Variants in WDPCP observed in about 807,000 individuals in gnomAD.
WDPCP encodes the protein WD repeat containing planar cell polarity effector.
Under a neutral mutation model 93.1 loss-of-function variants are expected in WDPCP, and 71 were observed. The observed-to-expected ratio is 0.76, with a 90% CI of 0.63 to 0.93. The LOEUF (loss-of-function observed/expected upper bound fraction) is 0.93. WDPCP is among the 40% of genes least tolerant of loss of function. The pLI, the probability that WDPCP is intolerant of heterozygous loss-of-function variation, is 0.00. For missense variants in WDPCP, 844 were observed against 887.4 expected, an observed-to-expected ratio of 0.95 and a Z score of 0.62; for synonymous variants, 315 against 315.0, an observed-to-expected ratio of 1.00 and a Z score of 0.00.
At chr2:63,679,030 C>T (rs1009545835) in intron 2 of WDPCP, among the ~76,000 whole-genome samples, 3 of 152,188 alleles carry the variant, frequency 2.0e-5, no homozygotes, top group Non-Finnish European at 2.9e-5. Flanking sequence ...GGAGCTTGCT[C>T]CTACCTAAAA....
rs146537144 is a variant in WDPCP at position 63,791,033 on chromosome 2, G to A, written n.308+22589C>T. On this transcript the variant is annotated intron_variant and non_coding_transcript_variant, in intron 2 of 4. Transcript: ENST00000467687. ...GCTTTCTCTTTCTAATACTGATTTA[G>A]CAACTGTTTGACATGAATTCCTCAC... is the stretch of plus-strand genomic sequence containing the variant. 4.8e-3 allele frequency among the ~76,000 whole-genome samples: 734 copies of A among 152,212 alleles called. 5 individuals carry two copies. Among genetic ancestry groups the A allele is most frequent in the Non-Finnish European group, 3.8e-3 (259 of 68,002 alleles).
chr2:63,125,084 T>G (rs867501397), intron 17 of WDPCP, among the ~76,000 whole-genome samples: 5 of 152,238 alleles, frequency 3.3e-5, no homozygotes, highest in Admixed American at 1.3e-4. Flanking sequence ...GAAATTGAAC[T>G]CTGCTTCTTG....
intron 2 of WDPCP, among the ~76,000 whole-genome samples, chr2:63,736,830 AT>A (rs779652627): frequency 5.1e-4 from 78 of 152,276 alleles, no homozygotes; most frequent in Middle Eastern, 6.8e-3. Flanking sequence ...GCTGCTTTTT[AT>A]TTTTAAAAAA....
At chr2:63,186,135 A>C (rs1338095377) in intron 14 of WDPCP, among the ~76,000 whole-genome samples, 1 of 152,192 alleles carries the variant, frequency 6.6e-6, no homozygotes, top group Non-Finnish European at 1.5e-5. Context: ...ATGGAGTTGA[A>C]TCCCACCCTG....
chr2:63,757,097 T>C (rs905487445), intron 2 of WDPCP, among the ~76,000 whole-genome samples: 2 of 152,222 alleles, frequency 1.3e-5, no homozygotes, highest in South Asian at 2.1e-4. Flanking sequence ...AAATTTGCTC[T>C]GTCCTGAAAG....
At chr2:63,389,030 G>C (rs1338333614) in intron 10 of WDPCP, among the ~76,000 whole-genome samples, 1 of 152,054 alleles carries the variant, frequency 6.6e-6, no homozygotes, top group Non-Finnish European at 1.5e-5. Flanking sequence ...CAACATTCAA[G>C]TTCAAGAAAT....
At chr2:63,643,302 T>C in intron 3 of WDPCP, 1 of 369,214 alleles carries the variant, frequency 2.7e-6, no homozygotes, top group Non-Finnish European at 5.2e-6. Flanking sequence ...GTCTCTCGTC[T>C]CTCTCTTCAG....
intron 2 of WDPCP, among the ~76,000 whole-genome samples, chr2:63,668,664 G>A (rs1277948565): frequency 6.6e-6 from 1 of 152,198 alleles, no homozygotes; most frequent in Non-Finnish European, 1.5e-5. Flanking sequence ...TAGGATGGTA[G>A]AAGATTTATC....
intron 2 of WDPCP, among the ~76,000 whole-genome samples, chr2:63,805,242 G>A (rs896052904): frequency 2.6e-5 from 4 of 152,148 alleles, no homozygotes; most frequent in African/African-American, 9.7e-5. Flanking sequence ...GAACCCATAT[G>A]CTCAGTGAGT....
chr2:63,201,485 T>C (rs1008065330), intron 14 of WDPCP, among the ~76,000 whole-genome samples: 1 of 152,220 alleles, frequency 6.6e-6, no homozygotes, highest in Non-Finnish European at 1.5e-5. Context: ...ACACTGATAC[T>C]CATTGAGTGA....
At chr2:63,373,974 A>T (rs1691626501) in intron 12 of WDPCP, among the ~76,000 whole-genome samples, 1 of 151,032 alleles carries the variant, frequency 6.6e-6, no homozygotes, top group South Asian at 2.1e-4. Context: ...TTTTATTTTA[A>T]TTTTTAACCC....
chr2:63,125,576 C>G lies in WDPCP; in HGVS notation c.2191-3520G>C, dbSNP rs1197741942. On this transcript the variant is annotated intron_variant, in intron 17 of 17. Transcript: ENST00000272321. The stretch of plus-strand genomic sequence containing the variant: ...CAAAGGAGCTGGGACTGTAGGGATA[C>G]ACTACCACACCCAGCTTGCTTTTCA... Among the ~76,000 whole-genome samples, 3 of 152,248 alleles carry G rather than the reference C, an allele frequency of 2.0e-5. No individual in the cohort carries two copies. The East Asian group carries it at 5.8e-4, about 29-fold the overall frequency.
chr2:63,789,556 C>T (rs1670517446), intron 2 of WDPCP, among the ~76,000 whole-genome samples: 1 of 152,164 alleles, frequency 6.6e-6, no homozygotes, highest in African/African-American at 2.4e-5. Context: ...AGTGGTAGTA[C>T]TACACCTGCC....
chr2:63,605,911 T>C (rs376669079), intron 3 of WDPCP: 85 of 1,564,468 alleles, frequency 5.4e-5, no homozygotes, highest in Non-Finnish European at 7.1e-5. Context: ...CTAATCATCA[T>C]GAGTATGTGA....
intron 3 of WDPCP, among the ~76,000 whole-genome samples, chr2:63,623,213 G>A (rs1709768921): frequency 6.6e-6 from 1 of 152,196 alleles, no homozygotes; most frequent in Non-Finnish European, 1.5e-5. Flanking sequence ...GGAAAAACTG[G>A]TACCTGCCAC....
intron 2 of WDPCP, among the ~76,000 whole-genome samples, chr2:63,722,468 A>G (rs1260142093): frequency 1.0e-4 from 12 of 119,302 alleles, no homozygotes; most frequent in South Asian, 6.2e-4. Flanking sequence ...GCCCCGTCTG[A>G]GAAGTGAGGA....
At position 63,313,327 on chromosome 2, in the gene WDPCP, A is replaced by G; in HGVS notation, c.1749-16T>C. The G allele has an allele frequency of 6.2e-7, 1 of 1,610,834 alleles. No homozygotes were observed. Among genetic ancestry groups the G allele is most frequent in the Non-Finnish European group, 8.5e-7 (1 of 1,177,518 alleles). ...CCTCTGGTACCTACAAGGCAGAAAA[A>G]AATATTATGTTAGTTGTGAACAAGA... On this transcript the variant is annotated splice_polypyrimidine_tract_variant and intron_variant, in intron 12 of 17. Coordinates refer to ENST00000272321, the MANE Select transcript of WDPCP (RefSeq NM_015910.7).
At chr2:63,575,613 C>A (rs1214397417) in intron 1 of WDPCP, among the ~76,000 whole-genome samples, 1 of 146,632 alleles carries the variant, frequency 6.8e-6, no homozygotes, top group East Asian at 2.1e-4. Context: ...ATACGGTATA[C>A]TACCAAAGGT....
chr2:63,828,643 TG>T (rs1671148182), upstream of WDPCP, among the ~76,000 whole-genome samples: 1 of 152,192 alleles, frequency 6.6e-6, no homozygotes, highest in Non-Finnish European at 1.5e-5. Context: ...ATATTTTCAC[TG>T]TCAGATGGAA....
Sources: allele counts gnomAD v4.1 joint callset (sites outside exome capture counted in the v4.1 genomes callset), GRCh38; gene constraint gnomAD v4.1.1; transcripts MANE v1.5; gene names NCBI Gene and HGNC (gene_info 2026-07-23, HGNC 2026-07-21).